The following ATXN1 variants were observed in gnomAD, a reference collection of about 807,000 sequenced individuals.
ATXN1 encodes ataxin 1, also known as ataxin-1.
Under a neutral mutation model 56.4 loss-of-function variants are expected in ATXN1, and 8 were observed. The ratio of observed to expected loss-of-function variants is 0.14; its 90% CI spans 0.08 to 0.26. The LOEUF is 0.26. ATXN1 is among the 10% of genes least tolerant of loss of function. ATXN1 has a pLI of 1.00. For synonymous variants in ATXN1, 514 were observed against 494.6 expected, an observed-to-expected ratio of 1.04 and a Z score of -0.52; for missense variants, 987 against 1,106.5, an observed-to-expected ratio of 0.89 and a Z score of 1.53.
chr6:16,529,584 A>G (rs1489309351), intron 4 of ATXN1, among the ~76,000 whole-genome samples: 1 of 152,220 alleles, frequency 6.6e-6, no homozygotes, highest in Non-Finnish European at 1.5e-5. Flanking sequence ...ATAATGGCTC[A>G]AGAGCACTGG....
rs575221383 is a variant in ATXN1 at position 16,306,122 on chromosome 6, C to G, written c.*207G>C. ...TGACCGCTCCTGCTGTGCCCTTCCT[C>G]CCGCCCGCTCACTGACAGACACTCG... is the stretch of plus-strand genomic sequence containing the variant. On this transcript the variant is annotated 3_prime_UTR_variant, in exon 8 of 8. Transcript: ENST00000436367. This position sits in a 1 kb window ranked among gnomAD's most constrained non-coding sequence, Gnocchi z 5.2. 5.5e-6 allele frequency: 3 copies of G among 546,806 alleles called. No individual in the cohort carries two copies. The East Asian group carries it at 1.2e-4, about 22-fold the overall frequency. 33.9% of individuals were successfully genotyped at this position (546,806 alleles called of 1,614,324 possible).
At chr6:16,374,815 T>A (rs1444777321) in intron 6 of ATXN1, among the ~76,000 whole-genome samples, 2 of 152,192 alleles carry the variant, frequency 1.3e-5, no homozygotes, top group Non-Finnish European at 2.9e-5. Flanking sequence ...GAGAAATACA[T>A]CTGAGCAACA....
At chr6:16,743,075 T>A (rs1262702369) in intron 2 of ATXN1, among the ~76,000 whole-genome samples, 1 of 152,232 alleles carries the variant, frequency 6.6e-6, no homozygotes, top group Non-Finnish European at 1.5e-5. Flanking sequence ...ATGCAATAGC[T>A]GCATTTCTAA....
rs540120801 is a variant in ATXN1 at position 16,308,459 on chromosome 6, C to T, written c.1918-1600G>A. On this transcript the variant is annotated intron_variant, in intron 7 of 7. Transcript: ENST00000436367. ...TTCTCCTGAAGGCACTTGAACATTC[C>T]AAAGTGGAGCAGTTGGGAAACCAAG... Among the ~76,000 whole-genome samples the T allele has an allele frequency of 6.6e-5, 10 of 152,066 alleles. No individual in the cohort carries two copies. In the South Asian group the frequency reaches 2.1e-3, roughly 32 times the overall value.
At chr6:16,543,880 A>G (rs545658084) in intron 4 of ATXN1, among the ~76,000 whole-genome samples, 15 of 89,298 alleles carry the variant, frequency 1.7e-4, no homozygotes, top group Admixed American at 1.5e-3. Context: ...TCTCGCAACA[A>G]AAGTAACAGG....
intron 4 of ATXN1, among the ~76,000 whole-genome samples, chr6:16,541,529 A>C (rs1761713308): frequency 1.3e-5 from 2 of 152,202 alleles, no homozygotes; most frequent in Non-Finnish European, 2.9e-5. Flanking sequence ...GGGCAGAAGA[A>C]GTCAAAGTGT....
intron 5 of ATXN1, among the ~76,000 whole-genome samples, chr6:16,518,887 G>A (rs1458181875): frequency 6.6e-6 from 1 of 152,094 alleles, no homozygotes; most frequent in African/African-American, 2.4e-5. Flanking sequence ...ATGGTCAGTA[G>A]CCAGAAAGAG....
intron 6 of ATXN1, among the ~76,000 whole-genome samples, chr6:16,409,381 C>T (rs1758751805): frequency 6.6e-6 from 1 of 151,964 alleles, no homozygotes; most frequent in African/African-American, 2.4e-5. Context: ...GGCCAGGCAC[C>T]GTGGCTCATG....
chr6:16,761,386 C>T lies in ATXN1; in HGVS notation c.-818G>A, dbSNP rs184290566. 4,437 of 456,538 alleles carry T rather than the reference C, an allele frequency of 9.7e-3. 60 individuals are homozygous for T. The highest frequency in any genetic ancestry group is 0.013 in the Non-Finnish European group (2,933 of 226,918). The allele number at this position is 456,538 out of a possible 1,614,324, so 28.3% of individuals were successfully genotyped here. A position where few individuals can be genotyped will look rare whatever the true frequency, so the allele number is the denominator to read the frequency against. ...CTTGCGGCTGCTGTTGCTCTGGCTG[C>T]TGCTCCACGGGGCTTGTTTTGGATC... On this transcript the variant is annotated 5_prime_UTR_variant, in exon 1 of 8. Transcript: ENST00000436367.
chr6:16,761,078 A>AC (rs1761083535), intron 1 of ATXN1: 2 of 356,834 alleles, frequency 5.6e-6, no homozygotes, highest in Non-Finnish European at 1.1e-5. Context: ...ACACACACAC[A>AC]CACACACACG....
rs72840239 is a variant in ATXN1 at position 16,316,776 on chromosome 6, A to C, written c.1917+9618T>G. ...AAAACAAAAACAAAACAAAAAAAAAACTGAAAGAATAGTTCTGTTTGCCTT... is the reference window on the plus strand; with the variant it reads ...AAAACAAAAACAAAACAAAAAAAAACCTGAAAGAATAGTTCTGTTTGCCTT... On this transcript the variant is annotated intron_variant, in intron 7 of 7. Transcript: ENST00000436367. 2.7e-3 allele frequency among the ~76,000 whole-genome samples: 406 copies of C among 151,788 alleles called. 5 individuals carry two copies. Among genetic ancestry groups the C allele is most frequent in the Middle Eastern group, 0.01 (3 of 294 alleles).
At chr6:16,644,571 T>C (rs902786475) in intron 3 of ATXN1, among the ~76,000 whole-genome samples, 5 of 149,922 alleles carry the variant, frequency 3.3e-5, no homozygotes, top group African/African-American at 1.2e-4. Context: ...ATGGTGTGTG[T>C]GTGTGTGTGT....
intron 2 of ATXN1, among the ~76,000 whole-genome samples, chr6:16,704,701 C>T (rs1185164753): frequency 6.6e-6 from 1 of 152,168 alleles, no homozygotes; most frequent in African/African-American, 2.4e-5. Flanking sequence ...CTTTGGAGAG[C>T]ACCCCAAACA....
In ATXN1 at chr6:16,360,517, A is replaced by C. The variant is rs1418849167; in HGVS notation, c.-160-32047T>G. On this transcript the variant is annotated intron_variant, in intron 6 of 7. Coordinates refer to ENST00000436367, the MANE Select transcript of ATXN1 (RefSeq NM_001128164.2). ...TCCCACATCACGAAGCAAATGCTTG[A>C]ATAAACATATGGGCTCTGAGAAAGT... Among the ~76,000 whole-genome samples the C allele has an allele frequency of 3.3e-5, 5 of 152,344 alleles. No homozygotes were observed. The East Asian group carries it at 9.6e-4, about 29-fold the overall frequency.
chr6:16,462,062 G>A (rs917707307), intron 6 of ATXN1, among the ~76,000 whole-genome samples: 6 of 152,120 alleles, frequency 3.9e-5, no homozygotes, highest in East Asian at 1.9e-4. Flanking sequence ...CCAACAAAAC[G>A]TTAAAAACCT....
At chr6:16,371,560 T>G (rs1183833276) in intron 6 of ATXN1, among the ~76,000 whole-genome samples, 1 of 152,096 alleles carries the variant, frequency 6.6e-6, no homozygotes, top group Non-Finnish European at 1.5e-5. Context: ...ACAAGTGTTT[T>G]CTTTTTTTTG....
At chr6:16,628,020 T>C (rs1763437816) in intron 3 of ATXN1, among the ~76,000 whole-genome samples, 1 of 152,228 alleles carries the variant, frequency 6.6e-6, no homozygotes, top group South Asian at 2.1e-4. Flanking sequence ...GACACCTTCA[T>C]TAATTATTTT....
chr6:16,659,438 G>T (rs976033497), intron 2 of ATXN1, among the ~76,000 whole-genome samples: 1 of 152,308 alleles, frequency 6.6e-6, no homozygotes, highest in African/African-American at 2.4e-5. Flanking sequence ...TTACTGGCTT[G>T]TATCAATCTT....
chr6:16,513,947 TA>T (rs996320553), intron 5 of ATXN1, among the ~76,000 whole-genome samples: 2 of 152,124 alleles, frequency 1.3e-5, no homozygotes, highest in African/African-American at 4.8e-5. Flanking sequence ...TGTTCTAGCC[TA>T]AATGCAGGGG....
Sources: allele counts gnomAD v4.1 joint callset (sites outside exome capture counted in the v4.1 genomes callset), GRCh38; gene constraint gnomAD v4.1.1; non-coding constraint Gnocchi (gnomAD v3.1); transcripts MANE v1.5; gene names NCBI Gene and HGNC (gene_info 2026-07-23, HGNC 2026-07-21).